TFEC: variants seen among roughly 807,000 people sequenced by gnomAD.
The protein encoded by TFEC is transcription factor EC.
TFEC carries 31 observed loss-of-function variants against 41.6 expected under a neutral mutation model. The observed-to-expected ratio is 0.74, with a 90% CI of 0.56 to 1.01. TFEC has a LOEUF of 1.01. Ranked by LOEUF, TFEC falls within the 50% of genes least tolerant of loss-of-function variation. The probability of loss-of-function intolerance (pLI) is 0.00; values close to 1 mark genes in which losing one functional copy is unlikely to be tolerated. For missense variants in TFEC, 402 were observed against 404.1 expected (o/e 0.99, Z 0.04); for synonymous variants, 143 against 140.6 (o/e 1.02, Z -0.12).
At chr7:116,114,579 G>A (rs1797932213) in intron 1 of TFEC, among the ~76,000 whole-genome samples, 1 of 151,928 alleles carries the variant, frequency 6.6e-6, no homozygotes, top group South Asian at 2.1e-4. Flanking sequence ...GAAGTTCCAA[G>A]GGAGACAGAG....
intron 3 of TFEC, among the ~76,000 whole-genome samples, chr7:115,967,899 CA>C (rs1458982379): frequency 1.3e-5 from 2 of 151,706 alleles, no homozygotes; most frequent in African/African-American, 4.8e-5. Context: ...AACACTGCAA[CA>C]ATTAGTTTGA....
intron 1 of TFEC, among the ~76,000 whole-genome samples, chr7:115,989,867 G>T (rs1445599665): frequency 6.6e-6 from 1 of 152,218 alleles, no homozygotes; most frequent in Non-Finnish European, 1.5e-5. Context: ...TGACAGCTTT[G>T]AAGAGAGTAG....
At chr7:116,120,517 C>A (rs1211400155) in intron 1 of TFEC, 2 of 151,954 alleles carry the variant, frequency 1.3e-5, no homozygotes, top group Non-Finnish European at 2.9e-5. Flanking sequence ...CCCCAGATGA[C>A]TCTCATGCAC....
At chr7:116,009,868 C>T (rs1794934458) in intron 1 of TFEC, among the ~76,000 whole-genome samples, 1 of 152,110 alleles carries the variant, frequency 6.6e-6, no homozygotes. Context: ...ACACAAATGA[C>T]TATAAATGGT....
intron 1 of TFEC, among the ~76,000 whole-genome samples, chr7:116,134,892 A>T (rs1359333541): frequency 6.6e-6 from 1 of 151,996 alleles, no homozygotes; most frequent in Non-Finnish European, 1.5e-5. Flanking sequence ...CATCAGGAAA[A>T]CCTCTTCAGC....
At chr7:115,980,854 C>T (rs1188454272) in intron 2 of TFEC, among the ~76,000 whole-genome samples, 1 of 151,932 alleles carries the variant, frequency 6.6e-6, no homozygotes, top group Non-Finnish European at 1.5e-5. Context: ...AAAATACCAC[C>T]TGACATAAAG....
intron 3 of TFEC, among the ~76,000 whole-genome samples, chr7:115,962,844 C>T (rs148473129): frequency 0.013 from 1,977 of 151,894 alleles, 36 homozygotes; most frequent in African/African-American, 0.044. Context: ...AAACTAACAA[C>T]CCAATTTCAT....
At chr7:116,041,539 T>A (rs1796037013) in intron 3 of TFEC, among the ~76,000 whole-genome samples, 1 of 152,148 alleles carries the variant, frequency 6.6e-6, no homozygotes, top group African/African-American at 2.4e-5. Context: ...TTGAAAAATT[T>A]CAATTTGAAA....
chr7:116,058,522 A>G (rs1231494827), intron 3 of TFEC, among the ~76,000 whole-genome samples: 1 of 151,726 alleles, frequency 6.6e-6, no homozygotes, highest in Non-Finnish European at 1.5e-5. Flanking sequence ...AGAAGACTTG[A>G]GCAACATTAT....
At chr7:116,087,338 T>C (rs1358469621) in intron 3 of TFEC, among the ~76,000 whole-genome samples, 1 of 152,038 alleles carries the variant, frequency 6.6e-6, no homozygotes, top group Admixed American at 6.6e-5. Context: ...ATAAAAATTA[T>C]CACATTTAAT....
chr7:116,017,442 C>T (rs192904110), intron 1 of TFEC, among the ~76,000 whole-genome samples: 10 of 152,128 alleles, frequency 6.6e-5, no homozygotes, highest in Admixed American at 2.0e-4. Context: ...CGGCTGGTCT[C>T]GAACTCCTGA....
In TFEC at chr7:115,950,948, AAC is replaced by A; in HGVS notation, c.440-1_440del. On this transcript the variant is annotated splice_acceptor_variant and coding_sequence_variant, in exon 6 of 8. Transcript: ENST00000265440. LOFTEE classifies it high-confidence loss of function. ...TAATATTATACCTTCTTCTTCTTTC[AAC>A]TATTAAAGAAGAAATATTATTGATT... 1.3e-6 allele frequency: 2 copies of A among 1,567,246 alleles called. No individual in the cohort carries two copies. Among genetic ancestry groups the A allele is most frequent in the Non-Finnish European group, 1.7e-6 (2 of 1,144,296 alleles).
At chr7:116,094,593 T>C (rs1797407353) in intron 3 of TFEC, among the ~76,000 whole-genome samples, 1 of 152,046 alleles carries the variant, frequency 6.6e-6, no homozygotes, top group Non-Finnish European at 1.5e-5. Context: ...GGCAGGAGAA[T>C]TGCTTGAACC....
At chr7:115,943,336 A>G (rs2130218638) in intron 6 of TFEC, among the ~76,000 whole-genome samples, 2 of 151,958 alleles carry the variant, frequency 1.3e-5, no homozygotes, top group South Asian at 4.2e-4. Flanking sequence ...CTCTAAACTA[A>G]AATTTAAGTA....
intron 3 of TFEC, among the ~76,000 whole-genome samples, chr7:116,059,465 A>C (rs1796502449): frequency 6.6e-6 from 1 of 151,980 alleles, no homozygotes; most frequent in Non-Finnish European, 1.5e-5. Flanking sequence ...AAAATTAAAA[A>C]GGAGCGTCTT....
At chr7:115,976,729 T>C (rs969424195) in intron 2 of TFEC, among the ~76,000 whole-genome samples, 2 of 152,190 alleles carry the variant, frequency 1.3e-5, no homozygotes, top group African/African-American at 2.4e-5. Flanking sequence ...ACTGAACAGA[T>C]GTGAAGAAGA....
At chr7:115,984,178 C>T in intron 2 of TFEC, 84 bp downstream of exon 2, 7 of 1,500,458 alleles carry the variant, frequency 4.7e-6, no homozygotes, top group Non-Finnish European at 4.5e-6. Context: ...AGAATGTTTA[C>T]TGTAAAATGT....
intron 3 of TFEC, among the ~76,000 whole-genome samples, chr7:115,966,707 T>C (rs995871654): frequency 6.6e-6 from 1 of 151,780 alleles, no homozygotes; most frequent in African/African-American, 2.4e-5. Context: ...AAACTTTTAG[T>C]CTTAAGTGTT....
At chr7:115,943,191 C>G (rs968419566) in intron 6 of TFEC, among the ~76,000 whole-genome samples, 1 of 151,834 alleles carries the variant, frequency 6.6e-6, no homozygotes, top group Admixed American at 6.6e-5. Context: ...TTCTTTAAGG[C>G]TATAATGGCT....
Sources: allele counts gnomAD v4.1 joint callset (sites outside exome capture counted in the v4.1 genomes callset), GRCh38; gene constraint gnomAD v4.1.1; transcripts MANE v1.5; gene names NCBI Gene and HGNC (gene_info 2026-07-23, HGNC 2026-07-21).